PHLDB2: variants seen among roughly 807,000 people sequenced by gnomAD.
PHLDB2 encodes pleckstrin homology like domain family B member 2, also known as pleckstrin homology-like domain family B member 2.
Under a neutral mutation model 123.6 loss-of-function variants are expected in PHLDB2, and 71 were observed. The observed-to-expected ratio is 0.57, with a 90% CI of 0.47 to 0.70. PHLDB2 has a LOEUF of 0.70. PHLDB2 is among the 30% of genes least tolerant of loss of function. The pLI, the probability that PHLDB2 is intolerant of heterozygous loss-of-function variation, is 0.00. For synonymous variants in PHLDB2, 547 were observed against 541.6 expected (o/e 1.01, Z -0.14); for missense variants, 1,446 against 1,519.5 (o/e 0.95, Z 0.80).
chr3:111,891,784 T>C (rs1304332255), intron 2 of PHLDB2, among the ~76,000 whole-genome samples: 2 of 152,134 alleles, frequency 1.3e-5, no homozygotes, highest in Non-Finnish European at 2.9e-5. Context: ...ACACCTGCCT[T>C]CCTCCAAGTA....
intron 1 of PHLDB2, among the ~76,000 whole-genome samples, chr3:111,735,050 T>C (rs1426853793): frequency 6.6e-6 from 1 of 152,196 alleles, no homozygotes; most frequent in African/African-American, 2.4e-5. Context: ...TAAATCTTTG[T>C]CCCTTTTTAT....
intron 1 of PHLDB2, among the ~76,000 whole-genome samples, chr3:111,844,995 C>T (rs753444995): frequency 4.6e-5 from 7 of 152,108 alleles, no homozygotes; most frequent in African/African-American, 9.7e-5. Flanking sequence ...TGCAGGAATC[C>T]GGACTTAAAG....
chr3:111,791,079 A>G (rs543826197), intron 1 of PHLDB2, among the ~76,000 whole-genome samples: 1 of 152,248 alleles, frequency 6.6e-6, no homozygotes, highest in Non-Finnish European at 1.5e-5. Flanking sequence ...TGATTTAACC[A>G]GCTATGAATT....
intron 1 of PHLDB2, among the ~76,000 whole-genome samples, chr3:111,768,526 A>C (rs1309917828): frequency 1.3e-5 from 2 of 152,154 alleles, no homozygotes; most frequent in Admixed American, 1.3e-4. Flanking sequence ...CAACCCATGA[A>C]TGAAAACAAT....
intron 1 of PHLDB2, among the ~76,000 whole-genome samples, chr3:111,827,327 C>A (rs1344259005): frequency 6.6e-6 from 1 of 152,206 alleles, no homozygotes; most frequent in Non-Finnish European, 1.5e-5. Flanking sequence ...GCAGCCTAAG[C>A]TCTTACCACA....
chr3:111,790,042 T>C (rs868301507), intron 1 of PHLDB2, among the ~76,000 whole-genome samples: 1 of 152,164 alleles, frequency 6.6e-6, no homozygotes, highest in African/African-American at 2.4e-5. Flanking sequence ...GGAGCCTGAC[T>C]GGGGGCAGGG....
chr3:111,878,505 C>T (rs2065768976), intron 1 of PHLDB2, among the ~76,000 whole-genome samples: 1 of 152,188 alleles, frequency 6.6e-6, no homozygotes, highest in South Asian at 2.1e-4. Flanking sequence ...CAAACAGAGA[C>T]AATTGACTTC....
chr3:111,811,567 G>A (rs911648729), intron 1 of PHLDB2, among the ~76,000 whole-genome samples: 4 of 152,040 alleles, frequency 2.6e-5, no homozygotes, highest in Admixed American at 6.6e-5. Context: ...CACTTGCTCT[G>A]TGACAAGATT....
At chr3:111,915,129 G>A (rs1375838642) in intron 3 of PHLDB2, 1 of 152,120 alleles carries the variant, frequency 6.6e-6, no homozygotes, top group Non-Finnish European at 1.5e-5. Context: ...TTAATGTATT[G>A]ATTTGCTTAA....
intron 16 of PHLDB2, among the ~76,000 whole-genome samples, chr3:111,972,611 T>C (rs1365240204): frequency 6.6e-6 from 1 of 152,182 alleles, no homozygotes; most frequent in Non-Finnish European, 1.5e-5. Flanking sequence ...TCTTTTTTCC[T>C]CTTATACATT....
At chr3:111,852,941 A>C (rs2064324463) in intron 2 of PHLDB2, among the ~76,000 whole-genome samples, 2 of 152,230 alleles carry the variant, frequency 1.3e-5, no homozygotes, top group South Asian at 4.1e-4. Context: ...GTAATTGTTT[A>C]AAGATAAACC....
At chr3:111,864,832 G>GTGTATGTGTGTGTATTGTGT (rs1446652550) in intron 1 of PHLDB2, among the ~76,000 whole-genome samples, 2 of 152,186 alleles carry the variant, frequency 1.3e-5, no homozygotes, top group African/African-American at 4.8e-5. Context: ...ACTGTTTATC[G>GTGTATGTGTGTGTATTGTGT]ATGGCCTTAA....
intron 1 of PHLDB2, among the ~76,000 whole-genome samples, chr3:111,751,955 T>C (rs1244473948): frequency 6.6e-6 from 1 of 152,182 alleles, no homozygotes; most frequent in Non-Finnish European, 1.5e-5. Flanking sequence ...GCTTATTAGA[T>C]TGTGGTAGAT....
intron 1 of PHLDB2, among the ~76,000 whole-genome samples, chr3:111,733,064 A>G (rs1329301746): frequency 3.3e-5 from 5 of 152,110 alleles, no homozygotes; most frequent in Non-Finnish European, 5.9e-5. Flanking sequence ...ATTTTTTTCA[A>G]TTTTCAAGAC....
At chr3:111,854,378 T>C (rs1004433223), upstream of PHLDB2, among the ~76,000 whole-genome samples, 1 of 152,244 alleles carries the variant, frequency 6.6e-6, no homozygotes, top group African/African-American at 2.4e-5. Context: ...AGTTCTGCCT[T>C]ACTTCACAGT....
intron 1 of PHLDB2, among the ~76,000 whole-genome samples, chr3:111,823,042 G>A (rs996271151): frequency 6.6e-6 from 1 of 152,218 alleles, no homozygotes; most frequent in African/African-American, 2.4e-5. Context: ...ATGGTCAAAG[G>A]AGCAGCAGCA....
intron 10 of PHLDB2, among the ~76,000 whole-genome samples, chr3:111,949,349 T>C (rs1232216124): frequency 6.6e-6 from 1 of 152,150 alleles, no homozygotes. Flanking sequence ...GCACTCTAAC[T>C]CAACTTAGTT....
rs2071275999 is a variant in PHLDB2, at chr3:111,959,701, T to C, written c.2873-2407T>C. ...TCCTTCACCTGTAAGTTCTATTTTG[T>C]TATTCTGTGTTACTTTTGGAAAAGT... On this transcript the variant is annotated intron_variant, in intron 12 of 17. Coordinates refer to ENST00000431670, the MANE Select transcript of PHLDB2 (RefSeq NM_001134438.2). 2.0e-5 allele frequency among the ~76,000 whole-genome samples: 3 copies of C among 152,242 alleles called. No individual in the cohort carries two copies. In the South Asian group the frequency reaches 6.2e-4, roughly 32 times the overall value.
chr3:111,792,413 C>T (rs1576618904), intron 1 of PHLDB2, among the ~76,000 whole-genome samples: 1 of 152,148 alleles, frequency 6.6e-6, no homozygotes, highest in Non-Finnish European at 1.5e-5. Flanking sequence ...CAGTTATCAT[C>T]AAGATCTGAG....
Sources: allele counts gnomAD v4.1 joint callset (sites outside exome capture counted in the v4.1 genomes callset), GRCh38; gene constraint gnomAD v4.1.1; transcripts MANE v1.5; gene names NCBI Gene and HGNC (gene_info 2026-07-23, HGNC 2026-07-21).